MYO5B: variants seen among roughly 807,000 people sequenced by gnomAD.
MYO5B encodes the protein unconventional myosin-Vb.
In MYO5B, 143 loss-of-function variants were observed where a neutral mutation model predicts 229.3. The ratio of observed to expected loss-of-function variants is 0.62; its 90% CI spans 0.54 to 0.72. The LOEUF (loss-of-function observed/expected upper bound fraction) is 0.72, where lower values mean the gene tolerates loss of function less well. MYO5B is among the 30% of genes least tolerant of loss of function. MYO5B has a pLI of 0.00. For synonymous variants in MYO5B, 918 were observed against 885.2 expected, an observed-to-expected ratio of 1.04 and a Z score of -0.66; for missense variants, 2,321 against 2,331.0, an observed-to-expected ratio of 1.00 and a Z score of 0.09.
At chr18:50,174,122 C>T (rs141475040) in intron 1 of MYO5B, among the ~76,000 whole-genome samples, 22 of 152,266 alleles carry the variant, frequency 1.4e-4, no homozygotes, top group African/African-American at 5.3e-4. Flanking sequence ...TGCCTGTGGA[C>T]ATGGGAGCCC....
chr18:50,092,015 A>C (rs2031458183), intron 1 of MYO5B, among the ~76,000 whole-genome samples: 1 of 152,208 alleles, frequency 6.6e-6, no homozygotes, highest in Non-Finnish European at 1.5e-5. Context: ...CTGTGCCAGT[A>C]GACTTGGGCT....
chr18:49,874,963 T>G (rs2024500418), intron 26 of MYO5B, among the ~76,000 whole-genome samples: 2 of 152,238 alleles, frequency 1.3e-5, no homozygotes, highest in Admixed American at 1.3e-4. Context: ...TTCACCTGTG[T>G]TATGTCTGGT....
chr18:50,105,958 C>T (rs2031752519), intron 1 of MYO5B, among the ~76,000 whole-genome samples: 1 of 152,026 alleles, frequency 6.6e-6, no homozygotes, highest in East Asian at 1.9e-4. Flanking sequence ...AGGCTGTCCA[C>T]CCTACCCACC....
chr18:50,183,625 A>G (rs2144352369), intron 1 of MYO5B, among the ~76,000 whole-genome samples: 1 of 151,828 alleles, frequency 6.6e-6, no homozygotes, highest in South Asian at 2.1e-4. Flanking sequence ...AAGGATGGTT[A>G]GTTTTAGATC....
At chr18:49,995,718 C>G (rs2025980660) in intron 5 of MYO5B, among the ~76,000 whole-genome samples, 1 of 152,118 alleles carries the variant, frequency 6.6e-6, no homozygotes, top group African/African-American at 2.4e-5. Context: ...TTTATTCCAG[C>G]TAATACATGC....
intron 4 of MYO5B, among the ~76,000 whole-genome samples, chr18:50,036,091 A>G (rs2026445127): frequency 2.0e-5 from 3 of 152,218 alleles, no homozygotes; most frequent in Non-Finnish European, 4.4e-5. Flanking sequence ...ACTTTGCTAT[A>G]TGTTGCCAGC....
At chr18:50,085,508 G>A (rs1457193370) in intron 1 of MYO5B, among the ~76,000 whole-genome samples, 2 of 151,950 alleles carry the variant, frequency 1.3e-5, no homozygotes, top group African/African-American at 4.8e-5. Flanking sequence ...TCAGTGTGGT[G>A]ATTCCTCAGG....
rs573090241 is a variant in MYO5B, at chr18:49,949,871, T to C, written c.1752+3389A>G. 3.9e-5 allele frequency among the ~76,000 whole-genome samples: 6 copies of C among 152,310 alleles called. No homozygotes were observed. In the East Asian group the frequency reaches 9.6e-4, roughly 24 times the overall value. Reference sequence around the variant, plus strand: ...AAACATATGCCTCATAGGGCTACTATGAAAACTAAAAATTTTAAAGAAAAT... The same window carrying C: ...AAACATATGCCTCATAGGGCTACTACGAAAACTAAAAATTTTAAAGAAAAT... On this transcript the variant is annotated intron_variant, in intron 14 of 39. Transcript: ENST00000285039.
Position 49,911,626 on chromosome 18 carries a change from T to C in MYO5B, c.2202+436A>G, listed in dbSNP as rs150491922. Among the ~76,000 whole-genome samples, 514 of 152,350 alleles carry C rather than the reference T, an allele frequency of 3.4e-3. 2 individuals are homozygous for C. The highest frequency in any genetic ancestry group is 0.012 in the African/African-American group (494 of 41,580). On this transcript the variant is annotated intron_variant, in intron 18 of 39. Transcript: ENST00000285039. ...TCAAGCTTTTGTTAACTAATCTTAC[T>C]GAATAAATGCAAGTCTGATCAGGGC...
At chr18:49,974,329 C>A in intron 10 of MYO5B, 21 bp downstream of exon 10, 7 of 1,614,136 alleles carry the variant, frequency 4.3e-6, no homozygotes, top group South Asian at 1.1e-5. Flanking sequence ...GCAGATAGAG[C>A]GAGACAGGCG....
chr18:49,974,798 G>GACACACAGACACACACACACAC (rs1460518712), intron 9 of MYO5B, among the ~76,000 whole-genome samples, 183 bp from the exon 10 acceptor site: 6 of 130,996 alleles, frequency 4.6e-5, no homozygotes, highest in African/African-American at 5.6e-5. Flanking sequence ...CACACACACA[G>GACACACAGACACACACACACAC]ACACACACAC....
intron 21 of MYO5B, among the ~76,000 whole-genome samples, chr18:49,899,995 G>T (rs2024822945): frequency 6.6e-6 from 1 of 152,010 alleles, no homozygotes; most frequent in Non-Finnish European, 1.5e-5. Context: ...ATTGTAAAAT[G>T]CTAGATTTAT....
At chr18:49,882,902 ACT>A (rs1242186449) in intron 22 of MYO5B, among the ~76,000 whole-genome samples, 1 of 152,184 alleles carries the variant, frequency 6.6e-6, no homozygotes, top group African/African-American at 2.4e-5. Flanking sequence ...GGCCAGTGTT[ACT>A]CTGATACCAA....
At chr18:49,866,252 G>A (rs1240965082) in intron 27 of MYO5B, among the ~76,000 whole-genome samples, 1 of 150,750 alleles carries the variant, frequency 6.6e-6, no homozygotes, top group African/African-American at 2.4e-5. Flanking sequence ...TTTTTTTCTA[G>A]TAGAGATGGG....
chr18:49,850,620 C>T (rs1217607), intron 31 of MYO5B: 82,742 of 152,048 alleles, frequency 0.54, 22,633 homozygotes, highest in Middle Eastern at 0.64. Flanking sequence ...GTGGCCTCTG[C>T]GTGAGAGGCC....
At chr18:50,178,278 A>C (rs2033024634) in intron 1 of MYO5B, among the ~76,000 whole-genome samples, 1 of 152,198 alleles carries the variant, frequency 6.6e-6, no homozygotes, top group South Asian at 2.1e-4. Flanking sequence ...AGTAGAATCA[A>C]TGCCACTTCC....
chr18:50,029,924 T>G lies in MYO5B; in HGVS notation c.455+6926A>C, dbSNP rs529076553. ...TGACCACATTCTCTCACTGAAAACC[T>G]GAGGCTCAATTAGGAAGCACTCCAC... is the stretch of plus-strand genomic sequence containing the variant. On this transcript the variant is annotated intron_variant, in intron 4 of 39. Transcript: ENST00000285039. Among the ~76,000 whole-genome samples, 3 of 152,280 alleles carry G rather than the reference T, an allele frequency of 2.0e-5. No individual in the cohort carries two copies. The South Asian group carries it at 6.2e-4, about 32-fold the overall frequency.
intron 20 of MYO5B, 139 bp downstream of exon 20, chr18:49,904,533 G>T: frequency 9.6e-7 from 1 of 1,036,914 alleles, no homozygotes; most frequent in Non-Finnish European, 1.5e-6. Flanking sequence ...CTTCAGAAAG[G>T]ATTTGGTGAG....
intron 19 of MYO5B, 108 bp from the exon 20 acceptor site, chr18:49,904,936 C>A: frequency 7.6e-7 from 1 of 1,317,134 alleles, no homozygotes; most frequent in Non-Finnish European, 1.1e-6. Context: ...TGTGGCCCTA[C>A]CTGGACACAC....
Sources: gnomAD v4.1 joint callset for allele counts (sites outside exome capture counted in the v4.1 genomes callset) on GRCh38, gnomAD v4.1.1 for gene constraint, MANE v1.5 for transcripts, NCBI Gene and HGNC (gene_info 2026-07-23, HGNC 2026-07-21) for gene names.